The following DIS3L2 variants were observed in gnomAD, a reference collection of about 807,000 sequenced individuals.
DIS3L2 encodes DIS3-like exonuclease 2.
DIS3L2 carries 34 observed loss-of-function variants against 97.5 expected under a neutral mutation model. The observed-to-expected ratio is 0.35, with a 90% CI of 0.27 to 0.46. The LOEUF is 0.46. DIS3L2 is among the 20% of genes least tolerant of loss of function. DIS3L2 has a pLI of 1.00. For missense variants in DIS3L2, 1,038 were observed against 1,146.0 expected, an observed-to-expected ratio of 0.91 and a Z score of 1.36; for synonymous variants, 435 against 445.2, an observed-to-expected ratio of 0.98 and a Z score of 0.29.
At chr2:232,259,803 G>GTTTTT (rs1169692885) in intron 12 of DIS3L2, 1 of 151,984 alleles carries the variant, frequency 6.6e-6, no homozygotes, top group African/African-American at 2.4e-5. Flanking sequence ...TTTTGTTTTT[G>GTTTTT]TTTTTTTGTG....
At position 232,094,116 on chromosome 2, in the gene DIS3L2, T is replaced by C. The variant is rs909378648; in HGVS notation, c.601+6395T>C. Among the ~76,000 whole-genome samples the C allele has an allele frequency of 3.3e-5, 5 of 152,198 alleles. 1 individual carries two copies. Among genetic ancestry groups the C allele is most frequent in the Non-Finnish European group, 7.4e-5 (5 of 68,024 alleles). Reference sequence around the variant, plus strand: ...GCATGTTTTTTAATTTTCATGTATTTGTATAGTTTCCAAAATTCCTCTTGT... The same window carrying C: ...GCATGTTTTTTAATTTTCATGTATTCGTATAGTTTCCAAAATTCCTCTTGT... On this transcript the variant is annotated intron_variant, in intron 6 of 20. Coordinates refer to ENST00000325385, the MANE Select transcript of DIS3L2 (RefSeq NM_152383.5).
At chr2:232,307,781 T>G (rs1695025912) in intron 14 of DIS3L2, 1 of 152,062 alleles carries the variant, frequency 6.6e-6, no homozygotes, top group South Asian at 2.1e-4. Context: ...ATAAAACCAG[T>G]GAGAGTCTGA....
At chr2:232,301,627 C>A (rs1437591750) in intron 14 of DIS3L2, among the ~76,000 whole-genome samples, 2 of 152,044 alleles carry the variant, frequency 1.3e-5, no homozygotes, top group Non-Finnish European at 2.9e-5. Context: ...TGGTGTGTAC[C>A]CCTAATTAAT....
At chr2:232,305,822 G>A (rs548920660) in intron 14 of DIS3L2, among the ~76,000 whole-genome samples, 1 of 152,206 alleles carries the variant, frequency 6.6e-6, no homozygotes, top group South Asian at 2.1e-4. Context: ...GGGCGTGATG[G>A]CACACACCTG....
At chr2:232,270,683 G>A (rs1335888546) in intron 13 of DIS3L2, among the ~76,000 whole-genome samples, 2 of 152,148 alleles carry the variant, frequency 1.3e-5, no homozygotes, top group Non-Finnish European at 2.9e-5. Flanking sequence ...CAGCATCAAG[G>A]ATATGGATAT....
intron 10 of DIS3L2, among the ~76,000 whole-genome samples, chr2:232,215,314 G>A (rs188280238): frequency 6.0e-4 from 92 of 152,138 alleles, no homozygotes; most frequent in Non-Finnish European, 1.2e-3. Context: ...TCTGCTGCCC[G>A]CTCACATTTC....
At chr2:232,290,260 T>C (rs1189657027) in intron 13 of DIS3L2, among the ~76,000 whole-genome samples, 2 of 152,236 alleles carry the variant, frequency 1.3e-5, no homozygotes, top group Non-Finnish European at 2.9e-5. Flanking sequence ...ATGCTTTGTA[T>C]TCACTGTTGC....
intron 6 of DIS3L2, among the ~76,000 whole-genome samples, chr2:232,088,288 T>A (rs1002257322): frequency 3.3e-5 from 5 of 149,664 alleles, no homozygotes; most frequent in African/African-American, 1.2e-4. Context: ...GGCTCACGCC[T>A]GTAATCCCAG....
intron 14 of DIS3L2, 28 bp from the exon 15 acceptor site, chr2:232,329,785 T>TGCCCGGGGGGGGACCC: frequency 2.1e-6 from 2 of 967,144 alleles, no homozygotes; most frequent in Non-Finnish European, 1.5e-6. Context: ...ACCCCAGCGG[T>TGCCCGGGGGGGGACCC]CCCTCCCATC....
intron 13 of DIS3L2, among the ~76,000 whole-genome samples, chr2:232,288,123 G>C (rs1412367315): frequency 2.6e-5 from 4 of 152,160 alleles, no homozygotes; most frequent in Non-Finnish European, 4.4e-5. Context: ...AGGTAGATTG[G>C]CTGCCCCAGG....
chr2:232,277,252 C>G (rs1017601255), intron 13 of DIS3L2, among the ~76,000 whole-genome samples: 1 of 152,166 alleles, frequency 6.6e-6, no homozygotes, highest in Non-Finnish European at 1.5e-5. Context: ...AGGGATGCAG[C>G]TCTGAACATC....
chr2:232,066,127 T>G (rs1166747469), intron 5 of DIS3L2, among the ~76,000 whole-genome samples: 2 of 151,982 alleles, frequency 1.3e-5, no homozygotes, highest in African/African-American at 4.8e-5. Context: ...TCTGTTCTAA[T>G]CTATATGCCT....
intron 8 of DIS3L2, among the ~76,000 whole-genome samples, chr2:232,156,371 A>C (rs1350658210): frequency 6.6e-6 from 1 of 152,026 alleles, no homozygotes; most frequent in African/African-American, 2.4e-5. Context: ...TGTTTTATAA[A>C]GCTTATATTT....
chr2:231,963,563 A>G (rs977002227), intron 1 of DIS3L2, among the ~76,000 whole-genome samples: 1 of 152,122 alleles, frequency 6.6e-6, no homozygotes, highest in Non-Finnish European at 1.5e-5. Context: ...ATCTGTTGAT[A>G]ATTTCTTTTG....
At chr2:232,337,613 C>T (rs1382585208), downstream of DIS3L2, among the ~76,000 whole-genome samples, 4 of 152,088 alleles carry the variant, frequency 2.6e-5, no homozygotes, top group Non-Finnish European at 5.9e-5. Flanking sequence ...CTTCCCCCTC[C>T]GTGGGGGAAG....
At chr2:232,080,161 T>A (rs1489622052) in intron 5 of DIS3L2, among the ~76,000 whole-genome samples, 1 of 152,130 alleles carries the variant, frequency 6.6e-6, no homozygotes, top group Admixed American at 6.5e-5. Flanking sequence ...GCTCTTCTGA[T>A]GGATTGAATG....
intron 6 of DIS3L2, among the ~76,000 whole-genome samples, chr2:232,098,665 T>C (rs1476768468): frequency 6.6e-6 from 1 of 152,184 alleles, no homozygotes; most frequent in Non-Finnish European, 1.5e-5. Context: ...AGCTTTCTAA[T>C]TTTTGTAATA....
At chr2:232,232,635 A>G (rs1692825680) in intron 10 of DIS3L2, among the ~76,000 whole-genome samples, 1 of 152,160 alleles carries the variant, frequency 6.6e-6, no homozygotes. Flanking sequence ...CAGGAAACAC[A>G]GGGAGAGAAA....
intron 13 of DIS3L2, among the ~76,000 whole-genome samples, chr2:232,266,360 T>C (rs1241291466): frequency 6.6e-6 from 1 of 152,256 alleles, no homozygotes; most frequent in East Asian, 1.9e-4. Context: ...GTTGCTTATA[T>C]GCAAGAAATT....
Sources: gnomAD v4.1 joint callset for allele counts (sites outside exome capture counted in the v4.1 genomes callset) on GRCh38, gnomAD v4.1.1 for gene constraint, MANE v1.5 for transcripts, NCBI Gene and HGNC (gene_info 2026-07-23, HGNC 2026-07-21) for gene names.